The following KATNAL2 variants were observed in gnomAD, a reference collection of about 807,000 sequenced individuals.
The protein encoded by KATNAL2 is katanin catalytic subunit A1 like 2.
Under a neutral mutation model 76.3 loss-of-function variants are expected in KATNAL2, and 52 were observed. That is an observed-to-expected ratio of 0.68 (90% CI 0.55 to 0.86). The LOEUF (loss-of-function observed/expected upper bound fraction) is 0.86, where lower values mean the gene tolerates loss of function less well. Among genes scored for constraint, KATNAL2 ranks in the 40% least tolerant of loss-of-function variants. KATNAL2 has a pLI of 0.00. For missense variants in KATNAL2, 660 were observed against 668.9 expected (o/e 0.99, Z 0.15); for synonymous variants, 243 against 244.2 (o/e 1.00, Z 0.05).
At chr18:47,053,109 A>C in intron 5 of KATNAL2, 63 bp downstream of exon 5, 1 of 1,374,150 alleles carries the variant, frequency 7.3e-7, no homozygotes, top group Non-Finnish European at 9.9e-7. Context: ...TTTCTTTCTC[A>C]TCTTATTCCC....
At chr18:47,049,864 G>A (rs1599665284) in intron 4 of KATNAL2, among the ~76,000 whole-genome samples, 1 of 152,060 alleles carries the variant, frequency 6.6e-6, no homozygotes, top group Non-Finnish European at 1.5e-5. Flanking sequence ...ACAGGTGTAT[G>A]CCACGACACT....
chr18:47,063,224 G>A, intron 9 of KATNAL2, 60 bp from the exon 10 acceptor site: 1 of 1,552,984 alleles, frequency 6.4e-7, no homozygotes, highest in Non-Finnish European at 8.9e-7. Flanking sequence ...GCATGCCCGG[G>A]GTTTCTTCCT....
intron 3 of KATNAL2, among the ~76,000 whole-genome samples, chr18:46,961,879 G>T (rs1038383185): frequency 6.6e-6 from 1 of 152,172 alleles, no homozygotes. Context: ...GCCTGCAACC[G>T]TATGATATGA....
intron 16 of KATNAL2, among the ~76,000 whole-genome samples, chr18:47,099,773 A>G (rs557879061): frequency 4.6e-5 from 7 of 152,312 alleles, no homozygotes; most frequent in East Asian, 1.9e-4. Flanking sequence ...TGATGATTAC[A>G]TAACAGAAAA....
At chr18:46,922,899 TATA>T (rs1279997792) in intron 1 of KATNAL2, among the ~76,000 whole-genome samples, 3 of 148,150 alleles carry the variant, frequency 2.0e-5, no homozygotes, top group South Asian at 2.1e-4. Flanking sequence ...ATCATATTAA[TATA>T]ATATATATTT....
chr18:46,922,145 G>A lies in KATNAL2; in HGVS notation c.-510+4219G>A, dbSNP rs552031743. On this transcript the variant is annotated intron_variant, in intron 1 of 17. Coordinates refer to ENST00000683218, the MANE Select transcript of KATNAL2 (RefSeq NM_001387690.1). Reference sequence around the variant, plus strand: ...AGACAGGGTCTCACTCTGTCGCCCAGGCTAGAGTGCAGTGGCATGATCACA... The same window carrying A: ...AGACAGGGTCTCACTCTGTCGCCCAAGCTAGAGTGCAGTGGCATGATCACA... Among the ~76,000 whole-genome samples the A allele has an allele frequency of 6.7e-5, 10 of 148,374 alleles. No homozygotes were observed. The South Asian group carries it at 1.9e-3, about 28-fold the overall frequency.
chr18:46,932,203 G>A (rs1227058031), intron 1 of KATNAL2, among the ~76,000 whole-genome samples: 1 of 151,914 alleles, frequency 6.6e-6, no homozygotes, highest in Non-Finnish European at 1.5e-5. Context: ...GAGCCACCAC[G>A]CCCGTCCCAC....
intron 1 of KATNAL2, among the ~76,000 whole-genome samples, chr18:46,920,421 A>G (rs955310864): frequency 6.6e-6 from 1 of 152,056 alleles, no homozygotes; most frequent in African/African-American, 2.4e-5. Flanking sequence ...CTGAGAACCA[A>G]CCCTTCTTGT....
intron 3 of KATNAL2, among the ~76,000 whole-genome samples, chr18:46,955,142 C>CTCTTTCTTTCTT (rs1438660178): frequency 1.1e-4 from 6 of 53,610 alleles, no homozygotes; most frequent in Non-Finnish European, 2.0e-4. Context: ...TTCTCTCTCT[C>CTCTTTCTTTCTT]TTTCTTTCTT....
chr18:46,962,077 G>A (rs1418165074), intron 3 of KATNAL2, among the ~76,000 whole-genome samples: 2 of 152,094 alleles, frequency 1.3e-5, no homozygotes, highest in East Asian at 1.9e-4. Flanking sequence ...TAGGCTGCTG[G>A]CACTATTTTC....
chr18:47,077,107 G>A (rs1365530333), intron 14 of KATNAL2, among the ~76,000 whole-genome samples: 1 of 152,088 alleles, frequency 6.6e-6, no homozygotes, highest in East Asian at 1.9e-4. Context: ...ATTTTCTCCA[G>A]CTCACTGCCT....
chr18:47,034,977 T>A, intron 3 of KATNAL2: 1 of 1,611,636 alleles, frequency 6.2e-7, no homozygotes, highest in South Asian at 1.1e-5. Context: ...CGAAGCGCTG[T>A]CGGGAAGCGC....
rs761285365 is a variant in KATNAL2 at position 47,100,895 on chromosome 18, G to T, written c.1507G>T (p.Asp503Tyr). 2.5e-6 allele frequency: 4 copies of T among 1,614,114 alleles called. No homozygotes were observed. In the South Asian group the frequency reaches 4.4e-5, roughly 18 times the overall value. The change falls in exon 18 of 18, where the codon GAT becomes TAT. Residue 503 changes from aspartate to tyrosine, a missense_variant. Asp to Tyr is a radical substitution (Grantham distance 160, BLOSUM62 -3). Transcript: ENST00000683218. ...ESSDLPRIQL[D>Y]IVTTADFLDV... is the part of the protein sequence containing the mutation. ...CAGCGACTTACCCAGGATCCAGTTG[G>T]ATATAGTAACCACTGCCGACTTTCT...
intron 13 of KATNAL2, among the ~76,000 whole-genome samples, chr18:47,072,279 T>A (rs1332951867): frequency 6.6e-6 from 1 of 151,756 alleles, no homozygotes; most frequent in Non-Finnish European, 1.5e-5. Flanking sequence ...TACTATATAT[T>A]TTTAAAGTAA....
chr18:47,076,619 T>C (rs1026999452), intron 14 of KATNAL2: 1 of 152,076 alleles, frequency 6.6e-6, no homozygotes, highest in East Asian at 1.9e-4. Flanking sequence ...CTGTCTGGGA[T>C]CAAAGACTCC....
intron 13 of KATNAL2, among the ~76,000 whole-genome samples, chr18:47,071,341 C>T (rs2061991441): frequency 6.6e-6 from 1 of 152,088 alleles, no homozygotes; most frequent in Non-Finnish European, 1.5e-5. Context: ...ATACTATGTT[C>T]CCTTTTGTAC....
chr18:47,073,188 A>C (rs1403981624), intron 13 of KATNAL2, among the ~76,000 whole-genome samples: 1 of 152,188 alleles, frequency 6.6e-6, no homozygotes, highest in African/African-American at 2.4e-5. Context: ...TTTAAAATAA[A>C]CATTTGTCAA....
intron 15 of KATNAL2, among the ~76,000 whole-genome samples, chr18:47,091,669 G>T (rs1269072919): frequency 6.6e-6 from 1 of 152,110 alleles, no homozygotes; most frequent in African/African-American, 2.4e-5. Context: ...TAAATCTCTT[G>T]CTTTAGGGCA....
chr18:47,096,301 T>C lies in KATNAL2; in HGVS notation c.1212-2942T>C, dbSNP rs183410274. Among the ~76,000 whole-genome samples, 447 of 152,342 alleles carry C rather than the reference T, an allele frequency of 2.9e-3. 3 individuals are homozygous for C. The highest frequency in any genetic ancestry group is 0.02 in the Middle Eastern group (6 of 294). Reference sequence around the variant, plus strand: ...TCTCAGTGTTTTTATGAGTGAGAAATACCTGGTGATGACGTTTTCATTGTT... The same window carrying C: ...TCTCAGTGTTTTTATGAGTGAGAAACACCTGGTGATGACGTTTTCATTGTT... On this transcript the variant is annotated intron_variant, in intron 15 of 17. Coordinates refer to ENST00000683218, the MANE Select transcript of KATNAL2 (RefSeq NM_001387690.1).
Sources: allele counts gnomAD v4.1 joint callset (sites outside exome capture counted in the v4.1 genomes callset), GRCh38; gene constraint gnomAD v4.1.1; transcripts MANE v1.5; gene names NCBI Gene and HGNC (gene_info 2026-07-23, HGNC 2026-07-21).